KIF27: variants seen among roughly 807,000 people sequenced by gnomAD.
KIF27 encodes the protein kinesin-like protein KIF27.
A neutral mutation model predicts 141.8 loss-of-function variants in KIF27; 84 were observed. The ratio of observed to expected loss-of-function variants is 0.59; its 90% CI spans 0.50 to 0.71. The LOEUF is 0.71. Among genes scored for constraint, KIF27 ranks in the 30% least tolerant of loss-of-function variants. KIF27 has a pLI of 0.00. For missense variants in KIF27, 1,306 were observed against 1,628.4 expected (o/e 0.80, Z 3.41); for synonymous variants, 471 against 569.5 (o/e 0.83, Z 2.46).
chr9:83,871,057 T>G (rs1327915422), intron 11 of KIF27, among the ~76,000 whole-genome samples: 2 of 152,068 alleles, frequency 1.3e-5, no homozygotes, highest in African/African-American at 4.8e-5. Context: ...ACTACAGGTG[T>G]GTACCACCAC....
chr9:83,904,102 G>T (rs1954237394), intron 3 of KIF27, 84 bp from the exon 4 acceptor site: 1 of 952,012 alleles, frequency 1.1e-6, no homozygotes. Flanking sequence ...TAAACAGCCT[G>T]GCCAAGATAG....
chr9:83,916,954 C>T (rs1306324049), intron 1 of KIF27, among the ~76,000 whole-genome samples: 3 of 151,886 alleles, frequency 2.0e-5, no homozygotes, highest in Admixed American at 6.6e-5. Context: ...TGAGCCACCG[C>T]GCACGACAGA....
intron 16 of KIF27, among the ~76,000 whole-genome samples, chr9:83,848,354 T>C (rs1430242923): frequency 7.7e-6 from 1 of 129,798 alleles, no homozygotes; most frequent in African/African-American, 3.1e-5. Flanking sequence ...TGTATCTATA[T>C]ATATCTACAT....
intron 13 of KIF27, among the ~76,000 whole-genome samples, chr9:83,866,567 A>C (rs1213032475): frequency 6.6e-6 from 1 of 151,968 alleles, no homozygotes; most frequent in East Asian, 1.9e-4. Context: ...CATACCATGC[A>C]GTTCACCAAT....
intron 2 of KIF27, among the ~76,000 whole-genome samples, chr9:83,910,688 C>T (rs1955061793): frequency 1.3e-5 from 2 of 152,186 alleles, no homozygotes; most frequent in African/African-American, 4.8e-5. Flanking sequence ...AACATCTCTA[C>T]ACCTCTTCTC....
intron 13 of KIF27, 146 bp from the exon 14 acceptor site, chr9:83,859,517 G>C (rs187275757): frequency 1.6e-6 from 1 of 614,316 alleles, no homozygotes; most frequent in Admixed American, 3.0e-5. Flanking sequence ...TTTTTTTGAG[G>C]GAGGGGGTAT....
At chr9:83,870,387 G>T in intron 12 of KIF27, 132 bp downstream of exon 12, 1 of 1,302,516 alleles carries the variant, frequency 7.7e-7, no homozygotes, top group Non-Finnish European at 1.0e-6. Flanking sequence ...GGCTGGTCTT[G>T]AACTCCTGAC....
rs2132336046 is a variant in KIF27 at position 83,889,206 on chromosome 9, T to G, written c.1857A>C (p.Gly619=). The G allele has an allele frequency of 1.2e-6, 2 of 1,613,870 alleles. No individual in the cohort carries two copies. The highest frequency in any genetic ancestry group is 4.5e-5 in the East Asian group (2 of 44,876). ...PMYSLDRIFA[G]FRTRSQMLLG... The stretch of plus-strand genomic sequence containing the variant: ...ACAGCATCTGACTTCGTGTTCGAAA[T>G]CCAGCAAATATTCGATCCAGAGAGT... Residue 619 remains glycine, a synonymous_variant, in exon 7 of 18, where the codon GGA becomes GGC. Transcript: ENST00000297814.
intron 2 of KIF27, among the ~76,000 whole-genome samples, chr9:83,914,664 T>C (rs1448635832): frequency 6.6e-6 from 1 of 152,130 alleles, no homozygotes; most frequent in Non-Finnish European, 1.5e-5. Context: ...CAAAAGTTTG[T>C]TTTTAGTGGA....
At chr9:83,859,698 A>AT (rs1279198952) in intron 13 of KIF27, 4 of 242,792 alleles carry the variant, frequency 1.6e-5, no homozygotes, top group Non-Finnish European at 2.4e-5. Flanking sequence ...TGTGCAGCTA[A>AT]TTTTTTGTAT....
rs551374266 is a variant in KIF27, at chr9:83,902,868, T to C, written c.1458+192A>G. 3.3e-5 allele frequency among the ~76,000 whole-genome samples: 5 copies of C among 152,204 alleles called. No homozygotes were observed. In the South Asian group the frequency reaches 6.2e-4, roughly 19 times the overall value. On this transcript the variant is annotated intron_variant, in intron 4 of 17. Coordinates refer to ENST00000297814, the MANE Select transcript of KIF27 (RefSeq NM_017576.4). Reference sequence around the variant, plus strand: ...TAAGAGAGGCAAGTGGGATTCCATATATAAATCATTTTTTAAAAAAACCTG... The same window carrying C: ...TAAGAGAGGCAAGTGGGATTCCATACATAAATCATTTTTTAAAAAAACCTG...
At chr9:83,891,190 A>G in intron 6 of KIF27, 105 bp downstream of exon 6, 1 of 876,926 alleles carries the variant, frequency 1.1e-6, no homozygotes, top group East Asian at 2.5e-5. Flanking sequence ...ATTCCATAAA[A>G]TCAAACAAAA....
At chr9:83,846,799 G>A (rs192896415) in intron 16 of KIF27, among the ~76,000 whole-genome samples, 1 of 152,244 alleles carries the variant, frequency 6.6e-6, no homozygotes, top group Admixed American at 6.5e-5. Flanking sequence ...ACTGCCACCA[G>A]GAGACACAAC....
In KIF27 at chr9:83,903,234, A is replaced by G. The variant is rs1954118601; in HGVS notation, c.1284T>C (p.Thr428=). 4 of 1,614,142 alleles carry G rather than the reference A, an allele frequency of 2.5e-6. No individual in the cohort carries two copies. The highest frequency in any genetic ancestry group is 3.4e-6 in the Non-Finnish European group (4 of 1,180,034). Residue 428 remains threonine (T), a synonymous_variant, in exon 4 of 18, where the codon ACT becomes ACC. Transcript: ENST00000297814. The part of the protein sequence containing the change: ...AFTFLVDLKD[T]VRLNEKQQHK... ...GTTGCTGCTTTTCGTTTAGTCTGAC[A>G]GTATCTTTTAGGTCAACCAGGAAGG...
chr9:83,838,221 C>G (rs1016700476), intron 17 of KIF27, among the ~76,000 whole-genome samples: 4 of 148,228 alleles, frequency 2.7e-5, no homozygotes, highest in African/African-American at 1.0e-4. Context: ...TTCAGTCCTG[C>G]AAAGACAAAG....
intron 2 of KIF27, 97 bp from the exon 3 acceptor site, chr9:83,908,749 A>G (rs1954836343): frequency 1.5e-6 from 1 of 674,910 alleles, no homozygotes; most frequent in East Asian, 3.1e-5. Context: ...ACATTTCTAT[A>G]TATTATAACT....
At position 83,837,093 on chromosome 9, in the gene KIF27, AT is replaced by A; in HGVS notation, c.4113del (p.Ser1372HisfsTer28). ...ACTCCAAGACTGGAACGTCGCAATG[AT>A]AGTTCCAAGGCGGAAATTTGACGTA... The part of the protein sequence containing the change: ...KELRQISALE[L>X]SLRRSSLGVG... On this transcript the variant is annotated frameshift_variant, in exon 18 of 18. Transcript: ENST00000297814. LOFTEE classifies it high-confidence loss of function. 6.2e-7 allele frequency: 1 copy of A among 1,614,002 alleles called. No individual in the cohort carries two copies. Among genetic ancestry groups the A allele is most frequent in the Non-Finnish European group, 8.5e-7 (1 of 1,179,882 alleles).
chr9:83,911,521 A>G (rs990106609), intron 2 of KIF27, among the ~76,000 whole-genome samples: 11 of 151,784 alleles, frequency 7.2e-5, no homozygotes, highest in Middle Eastern at 3.2e-3. Context: ...GAGCCACCAC[A>G]CCCGGCCCAC....
chr9:83,907,223 G>A (rs1047358243), intron 3 of KIF27, among the ~76,000 whole-genome samples: 3 of 151,684 alleles, frequency 2.0e-5, no homozygotes, highest in Non-Finnish European at 4.4e-5. Context: ...CCGGGAGGCG[G>A]AGCTTGCAGT....
Sources: allele counts gnomAD v4.1 joint callset (sites outside exome capture counted in the v4.1 genomes callset), GRCh38; gene constraint gnomAD v4.1.1; transcripts MANE v1.5; gene names NCBI Gene and HGNC (gene_info 2026-07-23, HGNC 2026-07-21).